The following TSHZ2 variants were observed in gnomAD, a reference collection of about 807,000 sequenced individuals.
TSHZ2 encodes the protein teashirt zinc finger homeobox 2.
In TSHZ2, 21 loss-of-function variants were observed where a neutral mutation model predicts 74.4. The observed-to-expected ratio is 0.28, with a 90% CI of 0.20 to 0.41. The LOEUF is 0.41. Among genes scored for constraint, TSHZ2 ranks in the 10% least tolerant of loss-of-function variants. TSHZ2 has a pLI of 1.00. For missense variants in TSHZ2, 1,244 were observed against 1,293.5 expected, an observed-to-expected ratio of 0.96 and a Z score of 0.59; for synonymous variants, 540 against 515.3, an observed-to-expected ratio of 1.05 and a Z score of -0.65.
chr20:53,391,478 T>C (rs1196007996), intron 2 of TSHZ2, among the ~76,000 whole-genome samples: 1 of 151,222 alleles, frequency 6.6e-6, no homozygotes, highest in Non-Finnish European at 1.5e-5. Flanking sequence ...TTTTTGTTTT[T>C]GTTTTTTTTT....
Position 53,323,563 on chromosome 20 carries a change from C to CTTTTTTTTTTTTTTT in TSHZ2, c.*8+67010_*8+67024dup, listed in dbSNP as rs34687825. On this transcript the variant is annotated intron_variant, in intron 2 of 2. Transcript: ENST00000371497. Reference sequence around the variant, plus strand: ...CACCCGTTTTCATTGCCTTGGAGGGCTTTTTTTTTTTTTTTTTTTTTTTTT... The same window carrying CTTTTTTTTTTTTTTT: ...CACCCGTTTTCATTGCCTTGGAGGGCTTTTTTTTTTTTTTTTTTTTTTTTTTTTTTTTTTTTTTTT... Among the ~76,000 whole-genome samples the CTTTTTTTTTTTTTTT allele has an allele frequency of 8.2e-4, 30 of 36,678 alleles. 11 individuals are homozygous for CTTTTTTTTTTTTTTT. The highest frequency in any genetic ancestry group is 1.1e-3 in the Non-Finnish European group (23 of 21,684). The allele number at this position is 36,678 out of a possible 152,430, so 24.1% of individuals were successfully genotyped here.
At chr20:53,345,933 G>A (rs576402006) in intron 2 of TSHZ2, among the ~76,000 whole-genome samples, 2 of 152,240 alleles carry the variant, frequency 1.3e-5, no homozygotes, top group Admixed American at 6.5e-5. Context: ...AGAGCATGCC[G>A]GTCACTCAAG....
intron 2 of TSHZ2, among the ~76,000 whole-genome samples, chr20:53,276,647 T>G (rs1308020519): frequency 1.3e-5 from 2 of 152,192 alleles, no homozygotes; most frequent in Non-Finnish European, 2.9e-5. Flanking sequence ...TTCTCAAACT[T>G]GACTGTACAT....
chr20:53,027,384 A>G (rs1352479920), intron 1 of TSHZ2, among the ~76,000 whole-genome samples: 1 of 152,226 alleles, frequency 6.6e-6, no homozygotes, highest in East Asian at 1.9e-4. Context: ...ATATGCTGTT[A>G]GAGCACATGC....
intron 1 of TSHZ2, among the ~76,000 whole-genome samples, chr20:53,160,095 G>A (rs1209396556): frequency 1.3e-5 from 2 of 152,202 alleles, no homozygotes; most frequent in Non-Finnish European, 2.9e-5. Context: ...AGGGCACATA[G>A]TAGGCCCTAG....
intron 1 of TSHZ2, among the ~76,000 whole-genome samples, chr20:53,052,403 G>A (rs983557107): frequency 5.3e-5 from 8 of 152,182 alleles, no homozygotes; most frequent in African/African-American, 1.4e-4. Flanking sequence ...ACCCTATTGT[G>A]AACTGTGCGT....
chr20:53,223,021 C>T lies in TSHZ2; in HGVS notation c.41-30478C>T, dbSNP rs372903597. 5.3e-5 allele frequency among the ~76,000 whole-genome samples: 8 copies of T among 152,242 alleles called. No individual in the cohort carries two copies. In the South Asian group the frequency reaches 8.3e-4, roughly 16 times the overall value. ...AAAATGAAAAATTCCTTTCTTCATT[C>T]GAACAAGCCACCTTTTAAGTGTTCA... On this transcript the variant is annotated intron_variant, in intron 1 of 2. Coordinates refer to ENST00000371497, the MANE Select transcript of TSHZ2 (RefSeq NM_173485.6).
intron 2 of TSHZ2, among the ~76,000 whole-genome samples, chr20:53,461,214 C>G (rs1039164570): frequency 6.6e-6 from 1 of 152,216 alleles, no homozygotes. Context: ...GTAGGACCCT[C>G]CGAGCCAGGT....
chr20:53,246,040 C>CTTTTTTTTTTTT lies in TSHZ2; in HGVS notation c.41-7457_41-7446dup, dbSNP rs57243805. On this transcript the variant is annotated intron_variant, in intron 1 of 2. Coordinates refer to ENST00000371497, the MANE Select transcript of TSHZ2 (RefSeq NM_173485.6). ...TGTGCTTTTCTTTCTTTCTTTCTTT[C>CTTTTTTTTTTTT]TTTTTTTTTTTTTGTTTGAGACAGA... 3.1e-4 allele frequency among the ~76,000 whole-genome samples: 40 copies of CTTTTTTTTTTTT among 130,600 alleles called. 1 individual carries two copies. Among genetic ancestry groups the CTTTTTTTTTTTT allele is most frequent in the Non-Finnish European group, 4.6e-4 (29 of 62,528 alleles). 85.7% of individuals were successfully genotyped at this position (130,600 alleles called of 152,430 possible).
chr20:53,113,774 A>G (rs1277923086), intron 1 of TSHZ2, among the ~76,000 whole-genome samples: 1 of 152,270 alleles, frequency 6.6e-6, no homozygotes, highest in East Asian at 1.9e-4. Flanking sequence ...TACCTTAGGC[A>G]TCTCCTCTTA....
intron 1 of TSHZ2, among the ~76,000 whole-genome samples, chr20:52,992,858 T>A (rs1012319949): frequency 1.3e-5 from 2 of 152,224 alleles, no homozygotes; most frequent in Non-Finnish European, 2.9e-5. Flanking sequence ...CATCTGTGTT[T>A]CCAATCACTT....
chr20:53,247,539 A>G (rs1415012104), intron 1 of TSHZ2, among the ~76,000 whole-genome samples: 1 of 152,192 alleles, frequency 6.6e-6, no homozygotes, highest in African/African-American at 2.4e-5. Flanking sequence ...AGTGCCAATA[A>G]TAACATACAT....
chr20:53,099,805 C>A (rs1380390894), intron 1 of TSHZ2, among the ~76,000 whole-genome samples: 1 of 152,204 alleles, frequency 6.6e-6, no homozygotes, highest in Non-Finnish European at 1.5e-5. Context: ...TTGTCTCTGA[C>A]AAAGTCCCTC....
At chr20:53,081,534 G>A (rs1985533239) in intron 1 of TSHZ2, among the ~76,000 whole-genome samples, 1 of 152,152 alleles carries the variant, frequency 6.6e-6, no homozygotes, top group Non-Finnish European at 1.5e-5. Flanking sequence ...CAGCTGGTGT[G>A]CCACAAGCCC....
intron 2 of TSHZ2, among the ~76,000 whole-genome samples, chr20:53,440,543 A>G (rs1984271373): frequency 6.6e-6 from 1 of 152,092 alleles, no homozygotes; most frequent in Non-Finnish European, 1.5e-5. Context: ...AGGCTCAGGC[A>G]TTGTTCTAAG....
chr20:53,191,868 T>C (rs1988744752), intron 1 of TSHZ2, among the ~76,000 whole-genome samples: 2 of 152,214 alleles, frequency 1.3e-5, no homozygotes, highest in African/African-American at 4.8e-5. Flanking sequence ...CATACACATG[T>C]GATTGTTTCT....
intron 1 of TSHZ2, among the ~76,000 whole-genome samples, chr20:53,016,746 G>T (rs1259986086): frequency 6.6e-6 from 1 of 152,172 alleles, no homozygotes; most frequent in Non-Finnish European, 1.5e-5. Context: ...CTAAGTCACA[G>T]TGACTTAACA....
At chr20:53,117,404 G>C (rs1568767652) in intron 1 of TSHZ2, among the ~76,000 whole-genome samples, 2 of 152,198 alleles carry the variant, frequency 1.3e-5, no homozygotes, top group Non-Finnish European at 2.9e-5. Context: ...CTCTGTTCTA[G>C]GCACTAAGAA....
At chr20:53,327,360 G>T (rs1474343862) in intron 2 of TSHZ2, among the ~76,000 whole-genome samples, 1 of 152,260 alleles carries the variant, frequency 6.6e-6, no homozygotes, top group African/African-American at 2.4e-5. Context: ...GTGGTGGCGG[G>T]TGCCTGTAGT....
Sources: allele counts gnomAD v4.1 joint callset (sites outside exome capture counted in the v4.1 genomes callset), GRCh38; gene constraint gnomAD v4.1.1; transcripts MANE v1.5; gene names NCBI Gene and HGNC (gene_info 2026-07-23, HGNC 2026-07-21).